Variants in CRYM observed in about 807,000 individuals in gnomAD.
CRYM encodes crystallin mu, also known as ketimine reductase mu-crystallin.
CRYM carries 18 observed loss-of-function variants against 32.9 expected under a neutral mutation model. That is an observed-to-expected ratio of 0.55 (90% confidence interval 0.38 to 0.81). CRYM has a LOEUF of 0.81. Among genes scored for constraint, CRYM ranks in the 30% least tolerant of loss-of-function variants. The pLI is 0.00. For missense variants in CRYM, 337 were observed against 393.5 expected (o/e 0.86, Z 1.21); for synonymous variants, 153 against 152.4 (o/e 1.00, Z -0.03).
At chr16:21,294,717 G>A (rs1960750469) in intron 1 of CRYM, among the ~76,000 whole-genome samples, 1 of 138,658 alleles carries the variant, frequency 7.2e-6, no homozygotes, top group South Asian at 2.3e-4. Context: ...TTTTTTTTGA[G>A]ACAGTCTTGC....
upstream of CRYM, among the ~76,000 whole-genome samples, chr16:21,280,446 C>T (rs938427947): frequency 5.3e-5 from 8 of 152,114 alleles, no homozygotes; most frequent in African/African-American, 1.9e-4. Context: ...AATGAACCCC[C>T]TCTGGGCCAA....
At chr16:21,278,339 G>T, upstream of CRYM, 2 of 1,489,586 alleles carry the variant, frequency 1.3e-6, no homozygotes, top group Non-Finnish European at 1.8e-6. Flanking sequence ...CCGCTGCTCT[G>T]TGGAGCCGCC....
chr16:21,269,181 G>A (rs1317112815), intron 4 of CRYM, among the ~76,000 whole-genome samples: 1 of 148,102 alleles, frequency 6.8e-6, no homozygotes, highest in Non-Finnish European at 1.5e-5. Flanking sequence ...GGCCAAAACT[G>A]CAATTACTTT....
chr16:21,264,664 C>A (rs996263918), intron 5 of CRYM, among the ~76,000 whole-genome samples: 3 of 152,180 alleles, frequency 2.0e-5, no homozygotes, highest in Admixed American at 6.5e-5. Flanking sequence ...CCAATTTTGT[C>A]CCTGGGCCAG....
In CRYM at chr16:21,278,036, C is replaced by T. The variant is rs368992344; in HGVS notation, c.170+46G>A. The T allele has an allele frequency of 9.1e-5, 139 of 1,522,280 alleles. 1 individual carries two copies. In the East Asian group the frequency reaches 2.2e-3, roughly 24 times the overall value. 94.3% of individuals were successfully genotyped at this position (1,522,280 alleles called of 1,614,324 possible). On this transcript the variant is annotated intron_variant, in intron 1 of 7. Coordinates refer to ENST00000572914, the MANE Select transcript of CRYM (RefSeq NM_001376256.1). ...CTCCTCTTCCTGCTCCTCCTTTCCC[C>T]GCTTTCCAGTTTCTCCTGCCCCTGA...
intron 1 of CRYM, among the ~76,000 whole-genome samples, chr16:21,292,253 A>G (rs549777123): frequency 6.6e-6 from 1 of 152,140 alleles, no homozygotes; most frequent in Non-Finnish European, 1.5e-5. Flanking sequence ...AGAATGAAAC[A>G]TCTTCACTTT....
chr16:21,282,507 A>G (rs1483399464), upstream of CRYM, among the ~76,000 whole-genome samples: 1 of 152,204 alleles, frequency 6.6e-6, no homozygotes, highest in Non-Finnish European at 1.5e-5. Flanking sequence ...TGAAATAAGA[A>G]AGCCAGATAT....
Position 21,267,536 on chromosome 16 carries a change from T to C in CRYM, c.673+18A>G. The C allele has an allele frequency of 1.9e-6, 3 of 1,612,914 alleles. No homozygotes were observed. Among genetic ancestry groups the C allele is most frequent in the African/African-American group, 1.3e-5 (1 of 75,026 alleles). Reference sequence around the variant, plus strand: ...CCTGGCCACCACCCATCATGCCTTATGGAGCCACTCTACTTACCATTGATG... The same window carrying C: ...CCTGGCCACCACCCATCATGCCTTACGGAGCCACTCTACTTACCATTGATG... On this transcript the variant is annotated intron_variant, in intron 5 of 7. Transcript: ENST00000572914.
At chr16:21,258,907 GC>G in intron 7 of CRYM, 62 bp from the exon 8 acceptor site, 1 of 1,414,088 alleles carries the variant, frequency 7.1e-7, no homozygotes. Flanking sequence ...AACAACCCAG[GC>G]CCCATGGCTG....
chr16:21,289,108 G>A lies in CRYM; in HGVS notation c.-192-10148C>T, dbSNP rs924990437. Among the ~76,000 whole-genome samples the A allele has an allele frequency of 3.9e-5, 6 of 152,052 alleles. No homozygotes were observed. The East Asian group carries it at 5.8e-4, about 15-fold the overall frequency. ...TATTTTATATATACCTTTAGGTCAG[G>A]TGGTTTATTTTGTTGTTCATATCTT... On this transcript the variant is annotated intron_variant, in intron 1 of 9. Transcript: ENST00000219599.
upstream of CRYM, among the ~76,000 whole-genome samples, chr16:21,281,918 T>C (rs1388420634): frequency 1.3e-5 from 2 of 152,228 alleles, no homozygotes; most frequent in African/African-American, 2.4e-5. Flanking sequence ...CTGTTGAGCA[T>C]AAAGCTCCTA....
chr16:21,262,894 T>TA (rs1013541682), intron 5 of CRYM, among the ~76,000 whole-genome samples: 3 of 152,196 alleles, frequency 2.0e-5, no homozygotes, highest in African/African-American at 7.2e-5. Context: ...AGAGAGCACC[T>TA]AGGCGCTCAC....
intron 5 of CRYM, among the ~76,000 whole-genome samples, chr16:21,266,131 A>C (rs887859117): frequency 2.6e-5 from 4 of 152,184 alleles, no homozygotes; most frequent in Non-Finnish European, 4.4e-5. Flanking sequence ...AGGCTGAGGC[A>C]GGAGAGTCAC....
intron 1 of CRYM, among the ~76,000 whole-genome samples, chr16:21,287,432 T>C (rs1303948625): frequency 6.6e-6 from 1 of 152,192 alleles, no homozygotes; most frequent in East Asian, 1.9e-4. Flanking sequence ...GGAATATCTT[T>C]TCTTATTCAA....
chr16:21,261,691 G>T, intron 6 of CRYM: 1 of 459,936 alleles, frequency 2.2e-6, no homozygotes, highest in Non-Finnish European at 4.0e-6. Context: ...ACCGTAAAAT[G>T]AGGCCAGAAG....
At chr16:21,276,235 C>T (rs541772371) in intron 2 of CRYM, among the ~76,000 whole-genome samples, 51 of 152,314 alleles carry the variant, frequency 3.3e-4, no homozygotes, top group South Asian at 2.1e-3. Context: ...CATCATCAAC[C>T]TCATTTTACA....
At chr16:21,278,458 C>T, upstream of CRYM, 1 of 614,742 alleles carries the variant, frequency 1.6e-6, no homozygotes, top group Non-Finnish European at 2.9e-6. Context: ...AGATGGGTCC[C>T]TTCCAGCAAC....
At chr16:21,272,315 A>G (rs577551632) in intron 3 of CRYM, among the ~76,000 whole-genome samples, 1 of 152,282 alleles carries the variant, frequency 6.6e-6, no homozygotes, top group African/African-American at 2.4e-5. Context: ...TGCATTTGCC[A>G]AGGCCTTGCA....
At chr16:21,286,089 T>G (rs2093406639) in intron 1 of CRYM, among the ~76,000 whole-genome samples, 1 of 152,228 alleles carries the variant, frequency 6.6e-6, no homozygotes. Flanking sequence ...TCATAGTTCT[T>G]TCCATGAAGT....
Sources: allele counts gnomAD v4.1 joint callset (sites outside exome capture counted in the v4.1 genomes callset), GRCh38; gene constraint gnomAD v4.1.1; transcripts MANE v1.5; gene names NCBI Gene and HGNC (gene_info 2026-07-23, HGNC 2026-07-21).